CLEC16A: variants seen among roughly 807,000 people sequenced by gnomAD.
CLEC16A encodes the protein C-type lectin domain containing 16A, also known as protein CLEC16A.
A neutral mutation model predicts 109.5 loss-of-function variants in CLEC16A; 51 were observed. The observed-to-expected ratio is 0.47, with a 90% CI of 0.37 to 0.59. The LOEUF is 0.59. Ranked by LOEUF, CLEC16A falls within the 20% of genes least tolerant of loss-of-function variation. The pLI is 0.00. For synonymous variants in CLEC16A, 673 were observed against 564.2 expected (o/e 1.19, Z -2.73); for missense variants, 1,339 against 1,394.0 (o/e 0.96, Z 0.63).
chr16:10,977,459 C>A, intron 8 of CLEC16A, 60 bp downstream of exon 8: 1 of 1,468,814 alleles, frequency 6.8e-7, no homozygotes, highest in Non-Finnish European at 9.3e-7. Flanking sequence ...GAAGAACAGT[C>A]CCCAGTCCCC....
In CLEC16A at chr16:11,051,593, T is replaced by A; in HGVS notation, c.1947T>A (p.Ile649=). The A allele has an allele frequency of 6.2e-7, 1 of 1,614,042 alleles. No individual in the cohort carries two copies. Among genetic ancestry groups the A allele is most frequent in the Admixed American group, 1.7e-5 (1 of 60,032 alleles). The change falls in exon 18 of 24, where the codon ATT becomes ATA. Residue 649 remains isoleucine, a synonymous_variant. Transcript: ENST00000409790. ...CAACAGGCACGCCACTGACGGGCAT[T>A]GACTTCGTGAAGCGGCTGCCGTGTG... is the stretch of plus-strand genomic sequence containing the variant. The part of the protein sequence containing the change: ...LPPTGTPLTG[I]DFVKRLPCGD...
chr16:11,088,980 C>T (rs1307101663), intron 19 of CLEC16A, among the ~76,000 whole-genome samples: 5 of 152,146 alleles, frequency 3.3e-5, no homozygotes, highest in Non-Finnish European at 7.4e-5. Context: ...CCCCAGCCAC[C>T]CACAGTACCC....
chr16:11,163,147 A>G (rs112960368), intron 22 of CLEC16A, among the ~76,000 whole-genome samples: 1,952 of 152,330 alleles, frequency 0.013, 49 homozygotes, highest in African/African-American at 0.045. Flanking sequence ...GGACTGCCTG[A>G]CTGGGATGAA....
chr16:10,948,925 T>G (rs548373440), intron 1 of CLEC16A, among the ~76,000 whole-genome samples: 15 of 152,254 alleles, frequency 9.9e-5, no homozygotes, highest in African/African-American at 3.1e-4. Flanking sequence ...AAGTCCAGAA[T>G]TGAGATTGAG....
chr16:11,058,169 C>T (rs1254346511), intron 18 of CLEC16A, among the ~76,000 whole-genome samples: 1 of 152,232 alleles, frequency 6.6e-6, no homozygotes, highest in Non-Finnish European at 1.5e-5. Flanking sequence ...GGGAATCGGC[C>T]CGCCTCAGAT....
intron 19 of CLEC16A, among the ~76,000 whole-genome samples, chr16:11,102,286 G>T (rs534112063): frequency 2.0e-5 from 3 of 152,156 alleles, no homozygotes; most frequent in Non-Finnish European, 4.4e-5. Context: ...CCAGAATGTT[G>T]CTCTGCTGCC....
At chr16:11,001,124 T>A (rs946721319) in intron 10 of CLEC16A, among the ~76,000 whole-genome samples, 6 of 152,170 alleles carry the variant, frequency 3.9e-5, no homozygotes, top group Non-Finnish European at 8.8e-5. Context: ...TTGAGACATC[T>A]CACTCTGTCT....
chr16:10,993,382 GAAAGA>G (rs1041961015), intron 10 of CLEC16A, among the ~76,000 whole-genome samples: 1 of 152,068 alleles, frequency 6.6e-6, no homozygotes, highest in African/African-American at 2.4e-5. Flanking sequence ...GTCTAAAAAA[GAAAGA>G]AAAGAAGTCA....
chr16:11,088,997 C>T (rs929132148), intron 19 of CLEC16A, among the ~76,000 whole-genome samples: 5 of 152,164 alleles, frequency 3.3e-5, no homozygotes, highest in Non-Finnish European at 4.4e-5. Flanking sequence ...ACCCCCTTTC[C>T]CCCCAGGCCA....
intron 13 of CLEC16A, among the ~76,000 whole-genome samples, chr16:11,031,657 A>C (rs111309941): frequency 0.015 from 2,244 of 152,328 alleles, 59 homozygotes; most frequent in African/African-American, 0.051. Flanking sequence ...TTGGGGATGC[A>C]GTGGTGAAGC....
At chr16:11,070,052 G>A (rs1367497235) in intron 19 of CLEC16A, among the ~76,000 whole-genome samples, 1 of 149,234 alleles carries the variant, frequency 6.7e-6, no homozygotes, top group Non-Finnish European at 1.5e-5. Flanking sequence ...GCTTCTCCCA[G>A]CACCTTGTTT....
intron 8 of CLEC16A, among the ~76,000 whole-genome samples, chr16:10,977,799 G>C (rs980429863): frequency 6.6e-6 from 1 of 152,098 alleles, no homozygotes; most frequent in African/African-American, 2.4e-5. Context: ...ATTATGGCCA[G>C]AACTGAGGTT....
intron 19 of CLEC16A, among the ~76,000 whole-genome samples, chr16:11,116,449 G>A (rs903026081): frequency 2.0e-5 from 3 of 152,064 alleles, no homozygotes; most frequent in African/African-American, 4.8e-5. Context: ...TCTGGAGCTG[G>A]GATTTGCTGT....
At chr16:11,019,159 G>A (rs996963730) in intron 11 of CLEC16A, among the ~76,000 whole-genome samples, 32 of 152,138 alleles carry the variant, frequency 2.1e-4, no homozygotes, top group African/African-American at 7.0e-4. Context: ...TCTCCCGAAG[G>A]TGGGGAAAAA....
rs1402684602 is a variant in CLEC16A at position 11,057,810 on chromosome 16, A to C, written c.1996-3092A>C. 2.0e-5 allele frequency among the ~76,000 whole-genome samples: 3 copies of C among 152,246 alleles called. No homozygotes were observed. In the South Asian group the frequency reaches 6.2e-4, roughly 31 times the overall value. On this transcript the variant is annotated intron_variant, in intron 18 of 23. Coordinates refer to ENST00000409790, the MANE Select transcript of CLEC16A (RefSeq NM_015226.3). Reference sequence around the variant, plus strand: ...GGTCAAGGAGTGTGGTTGGAAGAACACAGAGCTTGGAATCTAGTTATTCAC... The same window carrying C: ...GGTCAAGGAGTGTGGTTGGAAGAACCCAGAGCTTGGAATCTAGTTATTCAC...
At chr16:11,126,731 A>T (rs2052851441) in intron 22 of CLEC16A, 1 of 162,570 alleles carries the variant, frequency 6.2e-6, no homozygotes, top group Admixed American at 6.2e-5. Flanking sequence ...CAGAAGACCG[A>T]GTTCTCCCCT....
At position 11,090,502 on chromosome 16, in the gene CLEC16A, CTG is replaced by C. The variant is rs1451281622; in HGVS notation, c.2116+29487_2116+29488del. Among the ~76,000 whole-genome samples the C allele has an allele frequency of 2.0e-5, 3 of 152,150 alleles. No homozygotes were observed. In the East Asian group the frequency reaches 5.8e-4, roughly 29 times the overall value. ...GCTGTCTGCAGCATTGCCGGGGAGCCTGTGTGTGAAGCCTTCACAGTGGACCA... is the reference window on the plus strand; with the variant it reads ...GCTGTCTGCAGCATTGCCGGGGAGCCTGTGTGAAGCCTTCACAGTGGACCA... On this transcript the variant is annotated intron_variant, in intron 19 of 23. Coordinates refer to ENST00000409790, the MANE Select transcript of CLEC16A (RefSeq NM_015226.3).
intron 11 of CLEC16A, among the ~76,000 whole-genome samples, chr16:11,007,970 C>T (rs1279975223): frequency 6.6e-6 from 1 of 152,056 alleles, no homozygotes; most frequent in Non-Finnish European, 1.5e-5. Flanking sequence ...CTCTGAAGAG[C>T]AACTTCCCGA....
chr16:11,151,096 A>C (rs948408775), intron 22 of CLEC16A, among the ~76,000 whole-genome samples: 3 of 152,196 alleles, frequency 2.0e-5, no homozygotes, highest in Non-Finnish European at 4.4e-5. Flanking sequence ...TAGGACTTCA[A>C]CCTAAGAATT....
Sources: gnomAD v4.1 joint callset for allele counts (sites outside exome capture counted in the v4.1 genomes callset) on GRCh38, gnomAD v4.1.1 for gene constraint, MANE v1.5 for transcripts, NCBI Gene and HGNC (gene_info 2026-07-23, HGNC 2026-07-21) for gene names.